Variants in ZNF469 observed in about 807,000 individuals in gnomAD.
The protein encoded by ZNF469 is zinc finger protein 469.
Under a neutral mutation model 1.0 loss-of-function variants are expected in ZNF469, and 1 was observed. That is an observed-to-expected ratio of 1.00 (90% CI 0.35 to 4.73). The LOEUF (loss-of-function observed/expected upper bound fraction) is 4.73. Among genes scored for constraint, ZNF469 ranks in the 30% most tolerant of loss-of-function variants. ZNF469 has a pLI of 0.16. For synonymous variants in ZNF469, 2,703 were observed against 2,363.4 expected, an observed-to-expected ratio of 1.14 and a Z score of -4.17; for missense variants, 6,100 against 5,356.3, an observed-to-expected ratio of 1.14 and a Z score of -4.33.
the ZNF469 span, among the ~76,000 whole-genome samples, chr16:88,162,588 G>T: frequency 6.6e-6 from 1 of 152,036 alleles, no homozygotes; most frequent in East Asian, 1.9e-4. Flanking sequence ...TTATAAGTCT[G>T]CCAATAAAAA....
At chr16:88,419,760 C>A (rs894491832) in intron 1 of ZNF469, among the ~76,000 whole-genome samples, 2 of 152,214 alleles carry the variant, frequency 1.3e-5, no homozygotes, top group African/African-American at 4.8e-5. Flanking sequence ...GGCCAAGCCT[C>A]GGCTGAAGAG....
the ZNF469 span, among the ~76,000 whole-genome samples, chr16:88,222,052 C>T: frequency 3.0e-3 from 452 of 152,204 alleles, 2 homozygotes; most frequent in African/African-American, 9.6e-3. Flanking sequence ...CCCCTCATCA[C>T]ACTCTCACAC....
At chr16:88,376,365 G>A in the ZNF469 span, among the ~76,000 whole-genome samples, 1 of 152,252 alleles carries the variant, frequency 6.6e-6, no homozygotes, top group Non-Finnish European at 1.5e-5. Context: ...GCCGGGCCCG[G>A]TGTGAGGGGA....
At chr16:88,422,166 G>A (rs1905482898) in intron 1 of ZNF469, among the ~76,000 whole-genome samples, 1 of 151,188 alleles carries the variant, frequency 6.6e-6, no homozygotes, top group South Asian at 2.1e-4. Flanking sequence ...ATGGGCAGGT[G>A]GATGGGCAGG....
the ZNF469 span, among the ~76,000 whole-genome samples, chr16:88,332,010 G>A: frequency 1.6e-4 from 25 of 152,348 alleles, no homozygotes; most frequent in Middle Eastern, 0.01. Context: ...GAGCAGAGCT[G>A]GGTTTGACCC....
At chr16:88,382,499 C>T (rs1415405302), upstream of ZNF469, among the ~76,000 whole-genome samples, 1 of 152,184 alleles carries the variant, frequency 6.6e-6, no homozygotes, top group Admixed American at 6.5e-5. Context: ...TATGAGAAAG[C>T]GTGCCATGGG....
At chr16:88,292,759 C>T in the ZNF469 span, among the ~76,000 whole-genome samples, 1 of 137,144 alleles carries the variant, frequency 7.3e-6, no homozygotes, top group African/African-American at 2.8e-5. Context: ...TGCCCTGAGT[C>T]ACTTTCCCCA....
At chr16:88,360,347 A>C in the ZNF469 span, among the ~76,000 whole-genome samples, 1 of 152,164 alleles carries the variant, frequency 6.6e-6, no homozygotes, top group African/African-American at 2.4e-5. Flanking sequence ...TGAACTTTAC[A>C]TGCAACGAAA....
At chr16:88,312,647 C>T in the ZNF469 span, among the ~76,000 whole-genome samples, 2 of 152,132 alleles carry the variant, frequency 1.3e-5, no homozygotes, top group Admixed American at 6.5e-5. Flanking sequence ...TTCATGATTT[C>T]TTCTAGTGCT....
chr16:88,377,024 C>T, the ZNF469 span, among the ~76,000 whole-genome samples: 1 of 152,276 alleles, frequency 6.6e-6, no homozygotes, highest in Non-Finnish European at 1.5e-5. Context: ...CCAGCGCAGG[C>T]TGGCTCTCAG....
At chr16:88,356,161 C>T in the ZNF469 span, among the ~76,000 whole-genome samples, 3 of 152,182 alleles carry the variant, frequency 2.0e-5, no homozygotes, top group Non-Finnish European at 4.4e-5. Context: ...CTCCATCCCT[C>T]GTGCCCCTCC....
chr16:88,209,916 AGT>A, the ZNF469 span, among the ~76,000 whole-genome samples: 23 of 152,360 alleles, frequency 1.5e-4, no homozygotes, highest in African/African-American at 5.3e-4. Flanking sequence ...CTGTTGTAAG[AGT>A]ATCTTCAGAG....
the ZNF469 span, among the ~76,000 whole-genome samples, chr16:88,326,327 A>C: frequency 8.0e-3 from 1,219 of 152,236 alleles, 18 homozygotes; most frequent in African/African-American, 0.028. Flanking sequence ...TTAAGAAGTG[A>C]CCTGCTCCTC....
At chr16:88,405,912 C>T (rs1228117695) in intron 1 of ZNF469, among the ~76,000 whole-genome samples, 1 of 152,254 alleles carries the variant, frequency 6.6e-6, no homozygotes, top group African/African-American at 2.4e-5. Flanking sequence ...TCCCGACCCC[C>T]GCCCCCAAAA....
intron 2 of ZNF469, among the ~76,000 whole-genome samples, chr16:88,426,804 G>A (rs59962969): frequency 1.2e-4 from 19 of 152,076 alleles, no homozygotes; most frequent in African/African-American, 4.3e-4. Context: ...GGAACCAGCC[G>A]CCCAGGCCCT....
the ZNF469 span, among the ~76,000 whole-genome samples, chr16:88,149,504 C>G: frequency 6.6e-6 from 1 of 152,196 alleles, no homozygotes; most frequent in Non-Finnish European, 1.5e-5. Context: ...CCTGAACAAC[C>G]CTTTCTGCTT....
At chr16:88,221,663 A>T in the ZNF469 span, among the ~76,000 whole-genome samples, 1 of 152,212 alleles carries the variant, frequency 6.6e-6, no homozygotes, top group Admixed American at 6.5e-5. Flanking sequence ...GGGGTCCTGT[A>T]ACAGAGGACC....
chr16:88,261,504 C>T, the ZNF469 span, among the ~76,000 whole-genome samples: 7 of 152,334 alleles, frequency 4.6e-5, no homozygotes, highest in East Asian at 1.9e-4. This position sits in a 1 kb window ranked among gnomAD's most constrained non-coding sequence, Gnocchi z 6.0. Flanking sequence ...GTTCTGCTGA[C>T]GGATGGGCAG....
At chr16:88,227,537 C>T in the ZNF469 span, among the ~76,000 whole-genome samples, 1 of 144,916 alleles carries the variant, frequency 6.9e-6, no homozygotes, top group African/African-American at 2.7e-5. Flanking sequence ...CCCATCTCCC[C>T]GTCTCCCCTT....
Sources: gnomAD v4.1 joint callset for allele counts (sites outside exome capture counted in the v4.1 genomes callset) on GRCh38, gnomAD v4.1.1 for gene constraint, Gnocchi (gnomAD v3.1) non-coding constraint, MANE v1.5 for transcripts, NCBI Gene and HGNC (gene_info 2026-07-23, HGNC 2026-07-21) for gene names.